GRK3: variants seen among roughly 807,000 people sequenced by gnomAD.
GRK3 encodes the protein adrenergic, beta, receptor kinase 2.
In GRK3, 54 loss-of-function variants were observed where a neutral mutation model predicts 95.7. The observed-to-expected ratio is 0.56, with a 90% confidence interval of 0.45 to 0.71. GRK3 has a LOEUF of 0.71. Ranked by LOEUF, GRK3 falls within the 30% of genes least tolerant of loss-of-function variation. The pLI, the probability that GRK3 is intolerant of heterozygous loss-of-function variation, is 0.00. For synonymous variants in GRK3, 281 were observed against 290.8 expected (o/e 0.97, Z 0.34); for missense variants, 649 against 851.2 (o/e 0.76, Z 2.96).
chr22:25,591,558 T>C (rs558688068), intron 1 of GRK3, among the ~76,000 whole-genome samples: 1 of 151,898 alleles, frequency 6.6e-6, no homozygotes, highest in South Asian at 2.1e-4. Flanking sequence ...AAGAGTCAGC[T>C]CATTAGCATA....
At chr22:25,673,054 G>T (rs1225332375) in intron 7 of GRK3, among the ~76,000 whole-genome samples, 8 of 79,878 alleles carry the variant, frequency 1.0e-4, no homozygotes, top group Middle Eastern at 7.4e-3. Flanking sequence ...GAATGGTATT[G>T]TTGGAAGAGG....
chr22:25,612,317 G>A (rs915685371), intron 2 of GRK3, among the ~76,000 whole-genome samples: 11 of 152,120 alleles, frequency 7.2e-5, no homozygotes, highest in Non-Finnish European at 7.4e-5. Context: ...ATCCGATTTT[G>A]TGTTTCTCAT....
intron 1 of GRK3, among the ~76,000 whole-genome samples, chr22:25,588,713 G>A (rs1271942830): frequency 1.3e-5 from 2 of 151,638 alleles, no homozygotes; most frequent in African/African-American, 4.8e-5. Context: ...AGAATCTTTT[G>A]GTTTTCTTGA....
At chr22:25,574,634 GA>G (rs1271621301) in intron 1 of GRK3, among the ~76,000 whole-genome samples, 1 of 152,202 alleles carries the variant, frequency 6.6e-6, no homozygotes, top group Non-Finnish European at 1.5e-5. Flanking sequence ...TAAAAAATAT[GA>G]GGTATTTGGT....
intron 15 of GRK3, among the ~76,000 whole-genome samples, chr22:25,705,575 C>T (rs2085293439): frequency 6.6e-6 from 1 of 151,994 alleles, no homozygotes. Context: ...GGTAATAAAC[C>T]TTAAGTTAGT....
At chr22:25,703,482 T>C (rs764228352) in intron 13 of GRK3, 28 bp from the exon 14 acceptor site, 6 of 1,575,880 alleles carry the variant, frequency 3.8e-6, no homozygotes, top group Non-Finnish European at 5.2e-6. Flanking sequence ...ATGCCATATT[T>C]TGATAGAACA....
intron 15 of GRK3, among the ~76,000 whole-genome samples, chr22:25,709,674 C>T (rs1463386853): frequency 6.6e-6 from 1 of 151,942 alleles, no homozygotes; most frequent in Non-Finnish European, 1.5e-5. Context: ...ATAACTATCC[C>T]AAATAAATGA....
chr22:25,616,097 G>T lies in GRK3; in HGVS notation c.190+11644G>T, dbSNP rs183124339. Among the ~76,000 whole-genome samples, 323 of 151,792 alleles carry T rather than the reference G, an allele frequency of 2.1e-3. 2 individuals are homozygous for T. Among genetic ancestry groups the T allele is most frequent in the African/African-American group, 7.6e-3 (312 of 41,178 alleles). Reference sequence around the variant, plus strand: ...TCTGCTCTTACCCAGAGTGAGGTGGGACATAGGGAAGTTTGAGAGTTGGGA... The same window carrying T: ...TCTGCTCTTACCCAGAGTGAGGTGGTACATAGGGAAGTTTGAGAGTTGGGA... On this transcript the variant is annotated intron_variant, in intron 2 of 20. Coordinates refer to ENST00000324198, the MANE Select transcript of GRK3 (RefSeq NM_005160.4).
In GRK3 at chr22:25,704,106, C is replaced by T; in HGVS notation, c.1228-3C>T. Reference sequence around the variant, plus strand: ...TTTGAAATCTTACTCGTCTTTTCCCCAGAATGTGGAACTTCCAGACACCTT... The same window carrying T: ...TTTGAAATCTTACTCGTCTTTTCCCTAGAATGTGGAACTTCCAGACACCTT... On this transcript the variant is annotated splice_region_variant and splice_polypyrimidine_tract_variant and intron_variant, in intron 14 of 20. Transcript: ENST00000324198. 6.2e-7 allele frequency: 1 copy of T among 1,608,592 alleles called. No individual in the cohort carries two copies. Among genetic ancestry groups the T allele is most frequent in the Non-Finnish European group, 8.5e-7 (1 of 1,176,420 alleles).
intron 1 of GRK3, among the ~76,000 whole-genome samples, chr22:25,601,329 A>T (rs893890042): frequency 2.0e-5 from 3 of 152,240 alleles, no homozygotes; most frequent in Non-Finnish European, 4.4e-5. Context: ...CCATGAAAGA[A>T]TTAAAGTAAA....
intron 12 of GRK3, among the ~76,000 whole-genome samples, chr22:25,690,606 G>A (rs1328738842): frequency 2.0e-5 from 3 of 152,106 alleles, no homozygotes; most frequent in Non-Finnish European, 2.9e-5. Context: ...GTTAGTAATG[G>A]TAGTAATAAA....
At chr22:25,583,489 G>A (rs1239220624) in intron 1 of GRK3, among the ~76,000 whole-genome samples, 1 of 151,218 alleles carries the variant, frequency 6.6e-6, no homozygotes, top group Non-Finnish European at 1.5e-5. Context: ...CTTAGATTCT[G>A]TCATTGAGCT....
chr22:25,614,277 G>A (rs2084521318), intron 2 of GRK3, among the ~76,000 whole-genome samples: 1 of 152,100 alleles, frequency 6.6e-6, no homozygotes, highest in African/African-American at 2.4e-5. Context: ...ACAGGCACAG[G>A]CATGCGCCAA....
chr22:25,626,597 T>A (rs559850677), intron 2 of GRK3, among the ~76,000 whole-genome samples: 7 of 152,256 alleles, frequency 4.6e-5, no homozygotes, highest in Non-Finnish European at 8.8e-5. Flanking sequence ...AATACCTCTG[T>A]TATTTAATTG....
intron 11 of GRK3, among the ~76,000 whole-genome samples, chr22:25,688,108 T>A (rs146707771): frequency 6.6e-6 from 1 of 151,866 alleles, no homozygotes. Flanking sequence ...TGGTGGCAGG[T>A]GCCTGTAGTC....
intron 3 of GRK3, among the ~76,000 whole-genome samples, chr22:25,652,484 G>A (rs973133053): frequency 3.3e-5 from 5 of 152,086 alleles, no homozygotes; most frequent in Non-Finnish European, 7.4e-5. Context: ...CGTGTTTCTC[G>A]AGCTTAAAAT....
chr22:25,669,560 C>T (rs1292203583), intron 6 of GRK3, among the ~76,000 whole-genome samples: 1 of 152,234 alleles, frequency 6.6e-6, no homozygotes, highest in African/African-American at 2.4e-5. Flanking sequence ...AGGGCTCTAG[C>T]TACCTGAAGC....
chr22:25,601,305 AGT>A (rs1305160003), intron 1 of GRK3, among the ~76,000 whole-genome samples: 1 of 152,224 alleles, frequency 6.6e-6, no homozygotes, highest in African/African-American at 2.4e-5. Flanking sequence ...AGTTATTCAA[AGT>A]GTGTTTTCTG....
chr22:25,599,816 G>A (rs2179243), intron 1 of GRK3, among the ~76,000 whole-genome samples: 3,438 of 152,150 alleles, frequency 0.023, 61 homozygotes, highest in Middle Eastern at 0.068. Flanking sequence ...ACCACAGTGC[G>A]ATGCTACTTC....
Sources: allele counts gnomAD v4.1 joint callset (sites outside exome capture counted in the v4.1 genomes callset), GRCh38; gene constraint gnomAD v4.1.1; transcripts MANE v1.5; gene names NCBI Gene and HGNC (gene_info 2026-07-23, HGNC 2026-07-21).